The following SHANK2 variants were observed in gnomAD, a reference collection of about 807,000 sequenced individuals.
The protein encoded by SHANK2 is SH3 and multiple ankyrin repeat domains protein 2.
SHANK2 carries 43 observed loss-of-function variants against 133.7 expected under a neutral mutation model. The observed-to-expected ratio is 0.32, with a 90% CI of 0.25 to 0.41. The LOEUF (loss-of-function observed/expected upper bound fraction) is 0.41. SHANK2 is among the 10% of genes least tolerant of loss of function. The pLI is 1.00. For synonymous variants in SHANK2, 1,017 were observed against 952.8 expected, an observed-to-expected ratio of 1.07 and a Z score of -1.24; for missense variants, 1,994 against 2,235.8, an observed-to-expected ratio of 0.89 and a Z score of 2.18.
intron 3 of SHANK2, among the ~76,000 whole-genome samples, chr11:71,123,930 G>A (rs1283124291): frequency 2.6e-5 from 4 of 152,048 alleles, no homozygotes; most frequent in African/African-American, 7.2e-5. Flanking sequence ...AGATGACCAA[G>A]ATGTGCTCTT....
At chr11:71,244,725 T>G (rs976365089) in intron 1 of SHANK2, among the ~76,000 whole-genome samples, 13 of 152,152 alleles carry the variant, frequency 8.5e-5, no homozygotes, top group Middle Eastern at 3.4e-3. Context: ...GTTGTTGAGA[T>G]GGACTGTCAC....
intron 21 of SHANK2, among the ~76,000 whole-genome samples, chr11:70,496,667 G>A (rs1484188523): frequency 2.0e-5 from 3 of 152,228 alleles, no homozygotes; most frequent in East Asian, 3.8e-4. Context: ...TCTGAGATGC[G>A]TAAGGCCATA....
At chr11:70,729,500 A>G (rs1340212739) in intron 14 of SHANK2, among the ~76,000 whole-genome samples, 1 of 150,340 alleles carries the variant, frequency 6.7e-6, no homozygotes, top group Non-Finnish European at 1.5e-5. Flanking sequence ...GAATGTACTC[A>G]TGCCACTGCA....
At chr11:71,093,138 C>T (rs1475967771) in intron 7 of SHANK2, among the ~76,000 whole-genome samples, 1 of 150,958 alleles carries the variant, frequency 6.6e-6, no homozygotes, top group Non-Finnish European at 1.5e-5. Flanking sequence ...GGCAGGCTGA[C>T]ATTTGGGAGA....
intron 11 of SHANK2, among the ~76,000 whole-genome samples, chr11:70,852,966 C>T (rs190290526): frequency 3.3e-4 from 50 of 152,356 alleles, no homozygotes; most frequent in Admixed American, 2.0e-3. Context: ...AGGAAGGCAA[C>T]GTTCCCTGAA....
intron 6 of SHANK2, among the ~76,000 whole-genome samples, chr11:71,101,792 C>T (rs547121100): frequency 1.0e-3 from 159 of 152,280 alleles, no homozygotes; most frequent in African/African-American, 3.6e-3. Flanking sequence ...CCTAACTGAG[C>T]GGTGCGGGAG....
At position 70,923,607 on chromosome 11, in the gene SHANK2, G is replaced by A. The variant is rs1314333941; in HGVS notation, c.1108-27040C>T. 2.0e-5 allele frequency among the ~76,000 whole-genome samples: 3 copies of A among 152,312 alleles called. No homozygotes were observed. The East Asian group carries it at 5.8e-4, about 29-fold the overall frequency. Reference sequence around the variant, plus strand: ...CGCCCAGGCTGGAGTGCAGTGGCGTGACGTAACCTCAGTTCACTGATAACT... The same window carrying A: ...CGCCCAGGCTGGAGTGCAGTGGCGTAACGTAACCTCAGTTCACTGATAACT... On this transcript the variant is annotated intron_variant, in intron 10 of 25. Transcript: ENST00000601538.
intron 17 of SHANK2, among the ~76,000 whole-genome samples, chr11:70,577,817 C>T (rs2060135585): frequency 6.6e-6 from 1 of 152,206 alleles, no homozygotes; most frequent in Admixed American, 6.5e-5. Flanking sequence ...ACTGTATTTG[C>T]AGATAGGGCC....
intron 17 of SHANK2, among the ~76,000 whole-genome samples, chr11:70,637,274 G>T (rs1357523623): frequency 2.0e-5 from 3 of 152,158 alleles, no homozygotes; most frequent in African/African-American, 7.2e-5. Flanking sequence ...CTCTGTGAGG[G>T]CAGGGCCTGC....
intron 11 of SHANK2, among the ~76,000 whole-genome samples, chr11:70,846,427 C>A (rs951956864): frequency 6.6e-6 from 1 of 152,044 alleles, no homozygotes; most frequent in East Asian, 1.9e-4. Flanking sequence ...CCATGCCCGG[C>A]TAATTTTTAG....
chr11:70,478,427 A>G (rs1360233323), intron 25 of SHANK2, among the ~76,000 whole-genome samples: 1 of 152,198 alleles, frequency 6.6e-6, no homozygotes, highest in Admixed American at 6.5e-5. Context: ...GCCTGTCAAC[A>G]TATGTTCTCT....
intron 14 of SHANK2, among the ~76,000 whole-genome samples, chr11:70,789,207 C>A (rs528290709): frequency 3.3e-5 from 5 of 152,050 alleles, no homozygotes; most frequent in African/African-American, 4.8e-5. Flanking sequence ...TATGAATAAG[C>A]GGGGATCATA....
At chr11:70,725,124 G>A (rs1946152922) in intron 14 of SHANK2, among the ~76,000 whole-genome samples, 2 of 152,140 alleles carry the variant, frequency 1.3e-5, no homozygotes, top group African/African-American at 4.8e-5. Flanking sequence ...TTAAGCTAAG[G>A]CCATTATAAG....
At chr11:71,196,524 T>C (rs1243961815) in intron 2 of SHANK2, among the ~76,000 whole-genome samples, 4 of 151,896 alleles carry the variant, frequency 2.6e-5, no homozygotes, top group Non-Finnish European at 4.4e-5. Flanking sequence ...GGCCTCATGA[T>C]CCACCCATCT....
intron 17 of SHANK2, chr11:70,654,039 G>T (rs1012784319): frequency 2.0e-5 from 3 of 152,200 alleles, no homozygotes; most frequent in African/African-American, 7.2e-5. Context: ...GCCCTCTCTC[G>T]TGCAAGTATT....
At chr11:70,477,603 G>A (rs1555150471) in intron 25 of SHANK2, 1 of 152,196 alleles carries the variant, frequency 6.6e-6, no homozygotes, top group Non-Finnish European at 1.5e-5. Context: ...CTGTGGCTTA[G>A]GGAGGATAAA....
At position 70,490,258 on chromosome 11, in the gene SHANK2, G is replaced by A; in HGVS notation, c.2551+18C>T. ...AAGCCCAGGGGCAACTTCTGTGGGG[G>A]AGTGCCACACTTCTTACCTATTGAT... On this transcript the variant is annotated intron_variant, in intron 23 of 25. Coordinates refer to ENST00000601538, the MANE Select transcript of SHANK2 (RefSeq NM_012309.5). 1.3e-6 allele frequency: 2 copies of A among 1,595,892 alleles called. No individual in the cohort carries two copies. The highest frequency in any genetic ancestry group is 1.7e-6 in the Non-Finnish European group (2 of 1,163,266).
chr11:70,551,524 C>G (rs1378467196), intron 17 of SHANK2, among the ~76,000 whole-genome samples: 11 of 152,230 alleles, frequency 7.2e-5, no homozygotes, highest in Non-Finnish European at 1.6e-4. Flanking sequence ...GCCTCGGCAG[C>G]CCCGGTGTGA....
intron 2 of SHANK2, among the ~76,000 whole-genome samples, chr11:71,207,500 A>AT (rs1954151010): frequency 6.6e-6 from 1 of 152,116 alleles, no homozygotes; most frequent in Non-Finnish European, 1.5e-5. Context: ...TTTATTTCTA[A>AT]CAGTCTCAGA....
Sources: gnomAD v4.1 joint callset for allele counts (sites outside exome capture counted in the v4.1 genomes callset) on GRCh38, gnomAD v4.1.1 for gene constraint, MANE v1.5 for transcripts, NCBI Gene and HGNC (gene_info 2026-07-23, HGNC 2026-07-21) for gene names.